Variants in CLTC observed in about 807,000 individuals in gnomAD.
CLTC encodes the protein clathrin heavy chain, also known as clathrin heavy chain 1.
CLTC carries 16 observed loss-of-function variants against 195.8 expected under a neutral mutation model. That is an observed-to-expected ratio of 0.08 (90% CI 0.06 to 0.12). The LOEUF (loss-of-function observed/expected upper bound fraction) is 0.12, where lower values mean the gene tolerates loss of function less well. Among genes scored for constraint, CLTC ranks in the 10% least tolerant of loss-of-function variants. The probability of loss-of-function intolerance (pLI) is 1.00; values close to 1 mark genes in which losing one functional copy is unlikely to be tolerated. For synonymous variants in CLTC, 667 were observed against 689.4 expected (o/e 0.97, Z 0.51); for missense variants, 796 against 2,027.0 (o/e 0.39, Z 11.66).
chr17:59,685,266 C>T lies in CLTC; in HGVS notation c.4605+40C>T. The stretch of plus-strand genomic sequence containing the variant: ...GGGGCAGGGGCTGTTTTAAACCAGG[C>T]CTAAAATGGTGTTACAAGTGATTAT... On this transcript the variant is annotated intron_variant, in intron 29 of 31. Coordinates refer to ENST00000269122, the MANE Select transcript of CLTC (RefSeq NM_004859.4). This position sits in a 1 kb window ranked among gnomAD's most constrained non-coding sequence, Gnocchi z 5.0. 3.3e-6 allele frequency: 5 copies of T among 1,521,674 alleles called. No homozygotes were observed. The highest frequency in any genetic ancestry group is 4.4e-6 in the Non-Finnish European group (5 of 1,126,002). 94.3% of individuals were successfully genotyped at this position (1,521,674 alleles called of 1,614,324 possible).
rs1159025313 is a variant in CLTC at position 59,694,411 on chromosome 17, G to A, written c.*559G>A. ...TATTGAAAAATGTTACAGACAACTT[G>A]CCTGATTTTTAAATGAGCGTAAAAG... On this transcript the variant is annotated 3_prime_UTR_variant, in exon 32 of 32. Transcript: ENST00000269122. The A allele has an allele frequency of 4.5e-6, 1 of 224,482 alleles. No homozygotes were observed. 13.9% of individuals were successfully genotyped at this position (224,482 alleles called of 1,614,324 possible). A position where few individuals can be genotyped will look rare whatever the true frequency, so the allele number is the denominator to read the frequency against.
rs1437195199 is a variant in CLTC at position 59,696,883 on chromosome 17, A to C, written c.*3031A>C. On this transcript the variant is annotated 3_prime_UTR_variant, in exon 32 of 32. Transcript: ENST00000269122. ...CTGTGATTTAGAACCACTGCTGATTAACCTTTGGCCAGTATGGGTCAGGGA... is the reference window on the plus strand; with the variant it reads ...CTGTGATTTAGAACCACTGCTGATTCACCTTTGGCCAGTATGGGTCAGGGA... 1 of 199,122 alleles carries C rather than the reference A, an allele frequency of 5.0e-6. No homozygotes were observed. Among genetic ancestry groups the C allele is most frequent in the Non-Finnish European group, 1.0e-5 (1 of 96,304 alleles). 12.3% of individuals were successfully genotyped at this position (199,122 alleles called of 1,614,324 possible).
intron 1 of CLTC, among the ~76,000 whole-genome samples, chr17:59,637,588 T>C (rs62084481): frequency 0.82 from 117,487 of 143,512 alleles, 48,297 homozygotes; most frequent in East Asian, 0.93. Context: ...TTTAGCCGGG[T>C]ACAGTGACTC....
Position 59,656,047 on chromosome 17 carries a change from T to G in CLTC, c.969+20T>G, listed in dbSNP as rs745478221. The G allele has an allele frequency of 6.3e-7, 1 of 1,596,750 alleles. No individual in the cohort carries two copies. Among genetic ancestry groups the G allele is most frequent in the Admixed American group, 1.8e-5 (1 of 56,576 alleles). On this transcript the variant is annotated intron_variant, in intron 6 of 31. Transcript: ENST00000269122. ...GGACAAGTAAGGAAACCTTGAAACT[T>G]AAGCAATAAAATAAGATAACCTGAT...
At chr17:59,667,248 A>G (rs1180148181) in intron 13 of CLTC, among the ~76,000 whole-genome samples, 3 of 152,188 alleles carry the variant, frequency 2.0e-5, no homozygotes, top group Non-Finnish European at 4.4e-5. Context: ...GAAATTGTAT[A>G]AAATGAAAAT....
At position 59,619,979 on chromosome 17, in the gene CLTC, T is replaced by C; in HGVS notation, c.-153T>C. On this transcript the variant is annotated 5_prime_UTR_variant, in exon 1 of 32. Transcript: ENST00000269122. ...GAGCCTCCGCCCCCGACCCGAGCTC[T>C]TTCGTCTGCCTGCCAGTTTCCTGCG... 1.5e-6 allele frequency: 1 copy of C among 652,188 alleles called. No homozygotes were observed. The highest frequency in any genetic ancestry group is 1.9e-5 in the South Asian group (1 of 52,562). The allele number at this position is 652,188 out of a possible 1,614,324, so 40.4% of individuals were successfully genotyped here. A position where few individuals can be genotyped will look rare whatever the true frequency, so the allele number is the denominator to read the frequency against.
chr17:59,673,225 AG>A (rs2032893472), intron 14 of CLTC, among the ~76,000 whole-genome samples: 1 of 152,144 alleles, frequency 6.6e-6, no homozygotes, highest in Non-Finnish European at 1.5e-5. Context: ...GGGGAGGGAT[AG>A]AAAATCATTA....
rs368514379 is a variant in CLTC, at chr17:59,679,465, G to A, written c.2865G>A (p.Leu955=). 2.8e-4 allele frequency: 457 copies of A among 1,609,964 alleles called. 1 individual carries two copies. Among genetic ancestry groups the A allele is most frequent in the South Asian group, 1.0e-3 (94 of 90,040 alleles). The change falls in exon 18 of 32, where the codon TTG becomes TTA. Residue 955 remains leucine (L), a synonymous_variant. Transcript: ENST00000269122. The part of the protein sequence containing the change: ...RYLVRRKDPE[L]WGSVLLESNP... ...TGGTACGTCGAAAGGATCCAGAATTGTGGGGCAGCGTGCTGCTGGAAAGCA... is the reference window on the plus strand; with the variant it reads ...TGGTACGTCGAAAGGATCCAGAATTATGGGGCAGCGTGCTGCTGGAAAGCA...
intron 13 of CLTC, among the ~76,000 whole-genome samples, chr17:59,668,032 T>C (rs1033609857): frequency 2.6e-5 from 4 of 152,228 alleles, no homozygotes; most frequent in Non-Finnish European, 5.9e-5. Context: ...TTGAAAGTTA[T>C]TAAAGTGAAA....
chr17:59,692,099 A>T (rs1323488552), intron 31 of CLTC, among the ~76,000 whole-genome samples: 2 of 152,178 alleles, frequency 1.3e-5, no homozygotes, highest in Non-Finnish European at 2.9e-5. Context: ...TGGGCGGATC[A>T]TGAGGTCAGG....
chr17:59,692,934 G>A (rs1407947281), intron 31 of CLTC, among the ~76,000 whole-genome samples: 1 of 152,048 alleles, frequency 6.6e-6, no homozygotes, highest in East Asian at 1.9e-4. Context: ...CACCGCGCCC[G>A]GCCCAAATGT....
At chr17:59,677,655 G>C (rs2032996110) in intron 17 of CLTC, among the ~76,000 whole-genome samples, 1 of 152,142 alleles carries the variant, frequency 6.6e-6, no homozygotes, top group Non-Finnish European at 1.5e-5. Flanking sequence ...AGTTTTGTCA[G>C]TTACCCAATG....
At chr17:59,649,484 C>T (rs938288418) in intron 4 of CLTC, among the ~76,000 whole-genome samples, 6 of 152,166 alleles carry the variant, frequency 3.9e-5, no homozygotes, top group African/African-American at 1.4e-4. Flanking sequence ...GTGTTTGGTG[C>T]TCCTAAAACA....
In CLTC at chr17:59,685,230, G is replaced by A; in HGVS notation, c.4605+4G>A. On this transcript the variant is annotated splice_donor_region_variant and intron_variant, in intron 29 of 31. Coordinates refer to ENST00000269122, the MANE Select transcript of CLTC (RefSeq NM_004859.4). This position sits in a 1 kb window ranked among gnomAD's most constrained non-coding sequence, Gnocchi z 5.0. ...CAAGAAAGACAGCCTTTACAAGGTT[G>A]ATAAAGTTGCGGGGCAGGGGCTGTT... The A allele has an allele frequency of 3.8e-6, 6 of 1,575,214 alleles. No individual in the cohort carries two copies. The highest frequency in any genetic ancestry group is 2.3e-5 in the South Asian group (2 of 85,670).
chr17:59,693,117 A>T (rs192104115), intron 31 of CLTC, among the ~76,000 whole-genome samples: 3 of 152,324 alleles, frequency 2.0e-5, no homozygotes, highest in Admixed American at 6.5e-5. Context: ...CTATAATCCC[A>T]GCACTTTGGG....
chr17:59,645,379 G>A (rs1198807464), intron 2 of CLTC, among the ~76,000 whole-genome samples: 1 of 152,148 alleles, frequency 6.6e-6, no homozygotes, highest in African/African-American at 2.4e-5. Flanking sequence ...GTCCCAACAA[G>A]GGAACTGTGC....
At position 59,685,842 on chromosome 17, in the gene CLTC, T is replaced by G; in HGVS notation, c.4827+34T>G. ...TCTTCTAAGTGTATTCAGAACTAGT[T>G]TCCTTGCATGTAAAATTCTACATGC... On this transcript the variant is annotated intron_variant, in intron 30 of 31. Coordinates refer to ENST00000269122, the MANE Select transcript of CLTC (RefSeq NM_004859.4). This position sits in a 1 kb window ranked among gnomAD's most constrained non-coding sequence, Gnocchi z 5.0. The G allele has an allele frequency of 6.9e-7, 1 of 1,457,654 alleles. No homozygotes were observed. Among genetic ancestry groups the G allele is most frequent in the Non-Finnish European group, 9.3e-7 (1 of 1,071,856 alleles). The allele number at this position is 1,457,654 out of a possible 1,614,324, so 90.3% of individuals were successfully genotyped here.
chr17:59,672,549 G>A (rs1440851049), intron 14 of CLTC, among the ~76,000 whole-genome samples: 2 of 152,132 alleles, frequency 1.3e-5, no homozygotes, highest in South Asian at 2.1e-4. Context: ...AGCTATTAGT[G>A]CAGAGTTTCC....
intron 1 of CLTC, among the ~76,000 whole-genome samples, chr17:59,635,392 A>G (rs1317388769): frequency 2.0e-5 from 3 of 152,232 alleles, no homozygotes; most frequent in Non-Finnish European, 4.4e-5. Context: ...CAAACTCCTT[A>G]GGTATACTTA....
Sources: gnomAD v4.1 joint callset for allele counts (sites outside exome capture counted in the v4.1 genomes callset) on GRCh38, gnomAD v4.1.1 for gene constraint, Gnocchi (gnomAD v3.1) non-coding constraint, MANE v1.5 for transcripts, NCBI Gene and HGNC (gene_info 2026-07-23, HGNC 2026-07-21) for gene names.